KCNB2: variants seen among roughly 807,000 people sequenced by gnomAD.
KCNB2 encodes the protein delayed rectifier potassium channel protein.
KCNB2 carries 15 observed loss-of-function variants against 61.5 expected under a neutral mutation model. That is an observed-to-expected ratio of 0.24 (90% CI 0.16 to 0.38). KCNB2 has a LOEUF of 0.38. KCNB2 is among the 10% of genes least tolerant of loss of function. KCNB2 has a pLI of 1.00. For synonymous variants in KCNB2, 457 were observed against 446.0 expected, an observed-to-expected ratio of 1.02 and a Z score of -0.31; for missense variants, 828 against 1,125.2, an observed-to-expected ratio of 0.74 and a Z score of 3.78.
At chr8:72,707,779 G>A (rs1160382784) in intron 2 of KCNB2, among the ~76,000 whole-genome samples, 1 of 152,182 alleles carries the variant, frequency 6.6e-6, no homozygotes, top group Admixed American at 6.5e-5. Context: ...GATATGATTT[G>A]GGAAATACAC....
rs1427045639 is a variant in KCNB2 at position 72,916,996 on chromosome 8, G to C, written c.580-18939G>C. ...TTTGAGAAAAGGCAACATTCGAGCT[G>C]GAAAACAGGGATGGAATTTATCATT... On this transcript the variant is annotated intron_variant, in intron 2 of 2. Transcript: ENST00000523207. 2.0e-5 allele frequency among the ~76,000 whole-genome samples: 3 copies of C among 152,300 alleles called. No homozygotes were observed. The East Asian group carries it at 5.8e-4, about 29-fold the overall frequency.
At chr8:72,798,278 A>T (rs1369637783) in intron 2 of KCNB2, among the ~76,000 whole-genome samples, 1 of 152,116 alleles carries the variant, frequency 6.6e-6, no homozygotes, top group African/African-American at 2.4e-5. Flanking sequence ...TTTTATCCCA[A>T]ATCTCTGCAT....
At chr8:72,910,401 C>T (rs2929577) in intron 2 of KCNB2, among the ~76,000 whole-genome samples, 89,421 of 151,764 alleles carry the variant, frequency 0.59, 27,616 homozygotes, top group Middle Eastern at 0.7. Context: ...AATGCATAGA[C>T]GATACCAGGA....
chr8:72,805,478 G>A (rs1450731923), intron 2 of KCNB2, among the ~76,000 whole-genome samples: 1 of 152,028 alleles, frequency 6.6e-6, no homozygotes, highest in East Asian at 1.9e-4. Context: ...TTAGAAGATG[G>A]AGTTGAAGAA....
chr8:72,731,598 G>A (rs145005347), intron 2 of KCNB2, among the ~76,000 whole-genome samples: 34 of 152,290 alleles, frequency 2.2e-4, no homozygotes, highest in African/African-American at 5.1e-4. Context: ...GCAGTGTGGC[G>A]CTTAGTCACA....
At chr8:72,831,124 C>CT (rs1304329293) in intron 2 of KCNB2, among the ~76,000 whole-genome samples, 8 of 152,230 alleles carry the variant, frequency 5.3e-5, no homozygotes, top group Non-Finnish European at 7.3e-5. Context: ...GGTAGTCATG[C>CT]TGACTGGGCC....
intron 1 of KCNB2, among the ~76,000 whole-genome samples, chr8:72,548,523 C>T (rs1806296037): frequency 6.6e-6 from 1 of 152,106 alleles, no homozygotes; most frequent in African/African-American, 2.4e-5. Context: ...CTTCATTGTC[C>T]ATTACTCTCC....
At chr8:72,567,079 G>C (rs1806635899) in intron 1 of KCNB2, among the ~76,000 whole-genome samples, 1 of 152,074 alleles carries the variant, frequency 6.6e-6, no homozygotes, top group Non-Finnish European at 1.5e-5. Flanking sequence ...CCAGTACTTT[G>C]GAACGCTGAG....
At chr8:72,602,067 G>A (rs1322209597) in intron 2 of KCNB2, among the ~76,000 whole-genome samples, 2 of 152,200 alleles carry the variant, frequency 1.3e-5, no homozygotes, top group Non-Finnish European at 2.9e-5. Context: ...GGGGAGGGCA[G>A]TGAGGGGGAA....
chr8:72,693,679 T>G (rs1806973976), intron 2 of KCNB2, among the ~76,000 whole-genome samples: 1 of 152,188 alleles, frequency 6.6e-6, no homozygotes. Flanking sequence ...ACCTTATCTG[T>G]GGACGCCTGC....
intron 2 of KCNB2, among the ~76,000 whole-genome samples, chr8:72,846,577 A>C (rs7834041): frequency 0.85 from 129,003 of 151,312 alleles, 55,940 homozygotes; most frequent in Middle Eastern, 0.97. Flanking sequence ...GAAAAAAAAA[A>C]CCATCAAAAA....
At chr8:72,856,657 T>G (rs925061983) in intron 2 of KCNB2, among the ~76,000 whole-genome samples, 19 of 152,226 alleles carry the variant, frequency 1.2e-4, no homozygotes, top group African/African-American at 4.3e-4. Flanking sequence ...AATCAGCGTT[T>G]CCTCTGTTTT....
intron 2 of KCNB2, among the ~76,000 whole-genome samples, chr8:72,634,757 C>T (rs866955049): frequency 6.6e-6 from 1 of 152,208 alleles, no homozygotes; most frequent in Middle Eastern, 3.4e-3. Context: ...AATTTTGATT[C>T]AAATAGGTTC....
intron 2 of KCNB2, among the ~76,000 whole-genome samples, chr8:72,849,135 T>A (rs1285016310): frequency 8.1e-6 from 1 of 123,020 alleles, no homozygotes; most frequent in Non-Finnish European, 1.7e-5. Flanking sequence ...AAAGAGGTTT[T>A]TCCATCATCA....
At chr8:72,755,961 G>T (rs1808283483) in intron 2 of KCNB2, among the ~76,000 whole-genome samples, 1 of 152,164 alleles carries the variant, frequency 6.6e-6, no homozygotes, top group Non-Finnish European at 1.5e-5. Context: ...GCCAGCTTGG[G>T]AAAGCTGGCT....
intron 2 of KCNB2, among the ~76,000 whole-genome samples, chr8:72,728,749 T>C (rs1807692040): frequency 6.6e-6 from 1 of 151,654 alleles, no homozygotes; most frequent in African/African-American, 2.4e-5. Flanking sequence ...TGAAAAGGAG[T>C]AACATTTAGA....
intron 2 of KCNB2, among the ~76,000 whole-genome samples, chr8:72,838,808 G>T (rs1031982169): frequency 5.2e-5 from 2 of 38,818 alleles, no homozygotes; most frequent in East Asian, 2.6e-4. Context: ...CTTGGTTAAA[G>T]AATATAAAAA....
chr8:72,693,357 C>T (rs1585834044), intron 2 of KCNB2, among the ~76,000 whole-genome samples: 1 of 152,202 alleles, frequency 6.6e-6, no homozygotes, highest in East Asian at 1.9e-4. Context: ...TGCAAAAGCA[C>T]TCCTGTGACA....
intron 2 of KCNB2, among the ~76,000 whole-genome samples, chr8:72,677,507 C>T (rs1296526251): frequency 6.6e-6 from 1 of 152,150 alleles, no homozygotes; most frequent in East Asian, 1.9e-4. Flanking sequence ...GAAGAAATTG[C>T]TTACACTCCT....
Sources: gnomAD v4.1 joint callset for allele counts (sites outside exome capture counted in the v4.1 genomes callset) on GRCh38, gnomAD v4.1.1 for gene constraint, MANE v1.5 for transcripts, NCBI Gene and HGNC (gene_info 2026-07-23, HGNC 2026-07-21) for gene names.